Variants in NCAM2 observed in about 807,000 individuals in gnomAD.
The protein encoded by NCAM2 is neural cell adhesion molecule 2, also known as N-CAM-2.
A neutral mutation model predicts 98.1 loss-of-function variants in NCAM2; 30 were observed. The observed-to-expected ratio is 0.31, with a 90% confidence interval of 0.23 to 0.41. NCAM2 has a LOEUF of 0.41. NCAM2 is among the 10% of genes least tolerant of loss of function. The pLI is 1.00. For synonymous variants in NCAM2, 368 were observed against 342.4 expected, an observed-to-expected ratio of 1.07 and a Z score of -0.83; for missense variants, 867 against 1,005.8, an observed-to-expected ratio of 0.86 and a Z score of 1.87.
chr21:21,537,730 A>G (rs2826890), intron 17 of NCAM2, 116 bp from the exon 18 acceptor site: 206,964 of 479,590 alleles, frequency 0.43, 46,633 homozygotes, highest in Non-Finnish European at 0.48. Context: ...TTTAGCATAT[A>G]TAAAATGTTA....
intron 1 of NCAM2, among the ~76,000 whole-genome samples, chr21:21,194,370 A>T (rs369309831): frequency 3.3e-5 from 5 of 152,192 alleles, no homozygotes; most frequent in African/African-American, 7.2e-5. Flanking sequence ...AGAGTTGCTG[A>T]GTTATTATTA....
At chr21:21,489,849 C>T (rs1986701555) in intron 15 of NCAM2, among the ~76,000 whole-genome samples, 1 of 152,002 alleles carries the variant, frequency 6.6e-6, no homozygotes, top group Non-Finnish European at 1.5e-5. Flanking sequence ...TTAACTCGTT[C>T]TCTTACCAAT....
intron 15 of NCAM2, among the ~76,000 whole-genome samples, chr21:21,485,189 T>G (rs1390759191): frequency 6.6e-6 from 1 of 152,180 alleles, no homozygotes; most frequent in Admixed American, 6.5e-5. Context: ...TGAAACAGTT[T>G]CCTATTTTAA....
At chr21:21,397,578 GCAGGCAC>G (rs1450031715) in intron 9 of NCAM2, among the ~76,000 whole-genome samples, 1 of 152,218 alleles carries the variant, frequency 6.6e-6, no homozygotes, top group Admixed American at 6.5e-5. Context: ...CAAAATCGGA[GCAGGCAC>G]CAGGAATGGA....
chr21:21,527,255 G>A lies in NCAM2; in HGVS notation c.2283-7282G>A, dbSNP rs576822633. ...ACTTCCTGAGTAGCTGGGATTACAGGCGCGTGCCATCACGCCTGGCTAATT... is the reference window on the plus strand; with the variant it reads ...ACTTCCTGAGTAGCTGGGATTACAGACGCGTGCCATCACGCCTGGCTAATT... On this transcript the variant is annotated intron_variant, in intron 16 of 17. Coordinates refer to ENST00000400546, the MANE Select transcript of NCAM2 (RefSeq NM_004540.5). 4.6e-5 allele frequency among the ~76,000 whole-genome samples: 7 copies of A among 152,092 alleles called. No individual in the cohort carries two copies. In the East Asian group the frequency reaches 9.7e-4, roughly 21 times the overall value.
At chr21:21,349,152 A>C (rs2075269335) in intron 8 of NCAM2, among the ~76,000 whole-genome samples, 1 of 152,192 alleles carries the variant, frequency 6.6e-6, no homozygotes, top group Non-Finnish European at 1.5e-5. Flanking sequence ...TGAGATAACC[A>C]ACAGAATGGG....
At chr21:21,228,890 C>G (rs1055028272) in intron 1 of NCAM2, among the ~76,000 whole-genome samples, 1 of 151,348 alleles carries the variant, frequency 6.6e-6, no homozygotes, top group Non-Finnish European at 1.5e-5. Context: ...ATTGTTGTTA[C>G]ATTTTTATTT....
At chr21:21,124,822 G>A (rs757695575) in intron 1 of NCAM2, among the ~76,000 whole-genome samples, 10 of 152,126 alleles carry the variant, frequency 6.6e-5, no homozygotes, top group Non-Finnish European at 1.0e-4. Flanking sequence ...AATGAGACAT[G>A]TATGTTACCA....
At chr21:21,101,147 G>A (rs746540033) in intron 1 of NCAM2, among the ~76,000 whole-genome samples, 6 of 151,866 alleles carry the variant, frequency 4.0e-5, no homozygotes, top group Admixed American at 6.6e-5. Context: ...GTTTTCATGT[G>A]CATTACCTAA....
chr21:21,226,566 G>A (rs950508902), intron 1 of NCAM2: 1 of 152,002 alleles, frequency 6.6e-6, no homozygotes, highest in African/African-American at 2.4e-5. Context: ...GTTTGTTTCA[G>A]AACTAAAAAT....
chr21:21,464,836 C>T (rs1173011027), intron 12 of NCAM2, among the ~76,000 whole-genome samples: 3 of 152,076 alleles, frequency 2.0e-5, no homozygotes, highest in Non-Finnish European at 4.4e-5. Context: ...GTTTGGGTTT[C>T]CTGAAAAGTT....
At chr21:21,399,643 C>T (rs936766254) in intron 9 of NCAM2, among the ~76,000 whole-genome samples, 2 of 152,020 alleles carry the variant, frequency 1.3e-5, no homozygotes, top group African/African-American at 2.4e-5. Flanking sequence ...GATTGTATAT[C>T]GTGAGTTTTA....
At chr21:21,494,268 T>C (rs568869006) in intron 15 of NCAM2, among the ~76,000 whole-genome samples, 70 of 152,006 alleles carry the variant, frequency 4.6e-4, no homozygotes, top group African/African-American at 1.6e-3. Context: ...TATAATCATA[T>C]AGAGATATGT....
chr21:21,175,548 A>G (rs1288799903), intron 1 of NCAM2, among the ~76,000 whole-genome samples: 1 of 152,000 alleles, frequency 6.6e-6, no homozygotes, highest in Admixed American at 6.6e-5. Context: ...AAATAAAAAA[A>G]AATAAAATAA....
chr21:21,421,624 G>A (rs1161517259), intron 11 of NCAM2, among the ~76,000 whole-genome samples: 1 of 152,090 alleles, frequency 6.6e-6, no homozygotes, highest in Non-Finnish European at 1.5e-5. Flanking sequence ...CTGTCCTGCA[G>A]AATCCTAACA....
chr21:21,076,489 A>G (rs572678945), intron 1 of NCAM2, among the ~76,000 whole-genome samples: 1 of 152,218 alleles, frequency 6.6e-6, no homozygotes, highest in East Asian at 1.9e-4. Flanking sequence ...AGATCTTTAT[A>G]GTTCTGTCAG....
chr21:21,304,460 A>G (rs777634141), intron 5 of NCAM2, among the ~76,000 whole-genome samples: 1 of 152,000 alleles, frequency 6.6e-6, no homozygotes, highest in Non-Finnish European at 1.5e-5. Flanking sequence ...ATTCTGTTCC[A>G]TTGATCTATT....
At chr21:21,054,179 A>T (rs968071074) in intron 1 of NCAM2, among the ~76,000 whole-genome samples, 1 of 151,988 alleles carries the variant, frequency 6.6e-6, no homozygotes, top group Admixed American at 6.6e-5. Context: ...GAAGCTTTTC[A>T]TGACTTTGTG....
At chr21:21,018,181 C>T (rs2064356988) in intron 1 of NCAM2, among the ~76,000 whole-genome samples, 1 of 152,158 alleles carries the variant, frequency 6.6e-6, no homozygotes, top group African/African-American at 2.4e-5. Flanking sequence ...CTGCTGTCTC[C>T]TTGTTACACA....
Sources: allele counts gnomAD v4.1 joint callset (sites outside exome capture counted in the v4.1 genomes callset), GRCh38; gene constraint gnomAD v4.1.1; transcripts MANE v1.5; gene names NCBI Gene and HGNC (gene_info 2026-07-23, HGNC 2026-07-21).